Variants in HRH1 observed in about 807,000 individuals in gnomAD.
HRH1 encodes the protein histamine receptor H1.
Under a neutral mutation model 10.3 loss-of-function variants are expected in HRH1, and 6 were observed. That is an observed-to-expected ratio of 0.58 (90% CI 0.32 to 1.15). The LOEUF is 1.15. HRH1 is among the 50% of genes most tolerant of loss of function. HRH1 has a pLI of 0.05. For missense variants in HRH1, 514 were observed against 615.3 expected, an observed-to-expected ratio of 0.84 and a Z score of 1.74; for synonymous variants, 242 against 236.7, an observed-to-expected ratio of 1.02 and a Z score of -0.21.
At position 11,259,921 on chromosome 3, in the gene HRH1, G is replaced by A. The variant is rs750280699; in HGVS notation, c.884G>A (p.Arg295Lys). Residue 295 changes from arginine (R) to lysine (K), a missense_variant, in exon 2 of 2, where the codon AGA becomes AAA. Arg to Lys is a conservative substitution (Grantham distance 26). Coordinates refer to ENST00000431010, the MANE Select transcript of HRH1 (RefSeq NM_001098212.2). The surrounding 1 kb of genome is among the most constrained non-coding windows in gnomAD (Gnocchi z 4.6). The part of the protein sequence containing the change: ...SPVVFSQEDD[R>K]EVDKLYCFPL... ...GTTGTCTTCAGCCAAGAGGATGATA[G>A]AGAAGTAGACAAACTCTACTGCTTT... is the stretch of plus-strand genomic sequence containing the variant. 23 of 1,614,200 alleles carry A rather than the reference G, an allele frequency of 1.4e-5. 1 individual carries two copies. In the South Asian group the frequency reaches 2.5e-4, roughly 18 times the overall value.
chr3:11,165,223 T>G (rs1937007880), intron 1 of HRH1, among the ~76,000 whole-genome samples: 1 of 152,232 alleles, frequency 6.6e-6, no homozygotes, highest in Non-Finnish European at 1.5e-5. Context: ...GGTATGATGC[T>G]TGCTGCCTGA....
rs1939603788 is a variant in HRH1, at chr3:11,250,077, C to T, written c.-35-8926C>T. 2.6e-5 allele frequency among the ~76,000 whole-genome samples: 3 copies of T among 114,978 alleles called. No homozygotes were observed. In the South Asian group the frequency reaches 8.8e-4, roughly 34 times the overall value. The allele number at this position is 114,978 out of a possible 152,430, so 75.4% of individuals were successfully genotyped here. A position where few individuals can be genotyped will look rare whatever the true frequency, so the allele number is the denominator to read the frequency against. On this transcript the variant is annotated intron_variant, in intron 1 of 1. Coordinates refer to ENST00000431010, the MANE Select transcript of HRH1 (RefSeq NM_001098212.2). ...TTTTTTTTTGAGACGGAGTCTCGCTCTGCCGCCCAGGCTGGAGTGCAGTGG... is the reference window on the plus strand; with the variant it reads ...TTTTTTTTTGAGACGGAGTCTCGCTTTGCCGCCCAGGCTGGAGTGCAGTGG...
At position 11,157,679 on chromosome 3, in the gene HRH1, T is replaced by C. The variant is rs553698495; in HGVS notation, c.-36+3125T>C. ...CACTGCTGTAATTCTCCAGTGATAA[T>C]GCAGGGGGATCACATGGGCCAGGAT... On this transcript the variant is annotated intron_variant, in intron 1 of 1. Coordinates refer to ENST00000431010, the MANE Select transcript of HRH1 (RefSeq NM_001098212.2). 2.6e-5 allele frequency among the ~76,000 whole-genome samples: 4 copies of C among 152,308 alleles called. No homozygotes were observed. The East Asian group carries it at 7.7e-4, about 29-fold the overall frequency.
intron 1 of HRH1, among the ~76,000 whole-genome samples, chr3:11,161,494 G>A (rs1018669983): frequency 5.9e-5 from 9 of 152,172 alleles, no homozygotes; most frequent in African/African-American, 2.2e-4. Flanking sequence ...GTCTGTGGAC[G>A]TGATTGTTGA....
chr3:11,139,426 C>T lies in HRH1; in HGVS notation c.-36+2027C>T, dbSNP rs187665562. On this transcript the variant is annotated intron_variant, in intron 1 of 1. Coordinates refer to the HRH1 transcript ENST00000438284. ...TCCCGAGTAGCTGGGATTACAGGCG[C>T]CTGCCACCACGCCCAGCTAATTTTT... is the stretch of plus-strand genomic sequence containing the variant. Among the ~76,000 whole-genome samples, 115 of 152,116 alleles carry T rather than the reference C, an allele frequency of 7.6e-4. 1 individual carries two copies. In the East Asian group the frequency reaches 0.021, roughly 28 times the overall value.
intron 1 of HRH1, among the ~76,000 whole-genome samples, chr3:11,224,648 C>G (rs949645410): frequency 4.0e-5 from 6 of 150,178 alleles, no homozygotes; most frequent in Non-Finnish European, 4.4e-5. Context: ...TGCAGCGAGC[C>G]GAGTATGCGC....
Position 11,242,914 on chromosome 3 carries a change from C to CT in HRH1, c.-35-16079dup, listed in dbSNP as rs113202543. On this transcript the variant is annotated intron_variant, in intron 1 of 1. Transcript: ENST00000431010. Reference sequence around the variant, plus strand: ...CTGTTCTGTATTGGTTTGGGTCTCTCTTTTTTTTTTCCTTTTTTTAGATGG... The same window carrying CT: ...CTGTTCTGTATTGGTTTGGGTCTCTCTTTTTTTTTTTCCTTTTTTTAGATGG... 2.9e-3 allele frequency among the ~76,000 whole-genome samples: 429 copies of CT among 149,128 alleles called. 3 individuals are homozygous for CT. Among genetic ancestry groups the CT allele is most frequent in the African/African-American group, 9.6e-3 (389 of 40,698 alleles).
upstream of HRH1, among the ~76,000 whole-genome samples, chr3:11,152,725 G>A (rs1232582076): frequency 6.6e-6 from 1 of 151,602 alleles, no homozygotes; most frequent in East Asian, 1.9e-4. Flanking sequence ...GCTATCCTGA[G>A]TGCTAACTCG....
chr3:11,184,196 T>G (rs904992256), intron 1 of HRH1, among the ~76,000 whole-genome samples: 2 of 152,210 alleles, frequency 1.3e-5, no homozygotes, highest in African/African-American at 4.8e-5. Context: ...AGCAAATCAT[T>G]ACGTAAAACT....
intron 1 of HRH1, chr3:11,252,796 G>C (rs376442407): frequency 6.6e-6 from 1 of 152,158 alleles, no homozygotes; most frequent in Non-Finnish European, 1.5e-5. Context: ...GCTTCTAAAG[G>C]AATAGGGTAT....
upstream of HRH1, among the ~76,000 whole-genome samples, chr3:11,152,218 C>T (rs540676455): frequency 6.6e-6 from 1 of 152,302 alleles, no homozygotes; most frequent in South Asian, 2.1e-4. Flanking sequence ...TTATGTAAAG[C>T]TCTTAAATCA....
chr3:11,181,417 C>T (rs888955762), intron 1 of HRH1, among the ~76,000 whole-genome samples: 1 of 152,118 alleles, frequency 6.6e-6, no homozygotes, highest in Non-Finnish European at 1.5e-5. Flanking sequence ...TTTACAATCC[C>T]ACCAGCAAGG....
chr3:11,160,291 A>G (rs1247681189), intron 1 of HRH1, among the ~76,000 whole-genome samples: 1 of 152,052 alleles, frequency 6.6e-6, no homozygotes, highest in East Asian at 1.9e-4. Context: ...GGTTTGAGCA[A>G]TTTTCTCGGC....
At chr3:11,205,246 C>T (rs113312440) in intron 1 of HRH1, among the ~76,000 whole-genome samples, 2 of 152,116 alleles carry the variant, frequency 1.3e-5, no homozygotes, top group African/African-American at 4.8e-5. Context: ...CTAAATAGAA[C>T]GCATTGTACG....
At position 11,259,064 on chromosome 3, in the gene HRH1, C is replaced by A; in HGVS notation, c.27C>A (p.Leu9=). The A allele has an allele frequency of 2.5e-6, 4 of 1,608,220 alleles. No individual in the cohort carries two copies. The highest frequency in any genetic ancestry group is 3.4e-6 in the Non-Finnish European group (4 of 1,176,894). Residue 9 remains leucine (L), a synonymous_variant, in exon 2 of 2, where the codon CTC becomes CTA. Coordinates refer to ENST00000431010, the MANE Select transcript of HRH1 (RefSeq NM_001098212.2). The surrounding 1 kb of genome is among the most constrained non-coding windows in gnomAD (Gnocchi z 4.6). Reference sequence around the variant, plus strand: ...TGAGCCTCCCCAATTCCTCCTGCCTCTTAGAAGACAAGATGTGTGAGGGCA... The same window carrying A: ...TGAGCCTCCCCAATTCCTCCTGCCTATTAGAAGACAAGATGTGTGAGGGCA... MSLPNSSC[L]LEDKMCEGNK...
chr3:11,151,866 A>C (rs1165238989), upstream of HRH1, among the ~76,000 whole-genome samples: 2 of 152,194 alleles, frequency 1.3e-5, no homozygotes, highest in Non-Finnish European at 2.9e-5. Flanking sequence ...ACAGATGAGG[A>C]AACTGAGGCT....
chr3:11,141,414 G>T (rs951501502), intron 1 of HRH1, among the ~76,000 whole-genome samples: 2 of 152,204 alleles, frequency 1.3e-5, no homozygotes, highest in Non-Finnish European at 2.9e-5. Flanking sequence ...TTTATAATTT[G>T]GGGGGTCAGG....
chr3:11,174,468 T>C (rs1306052764), intron 1 of HRH1, among the ~76,000 whole-genome samples: 1 of 152,202 alleles, frequency 6.6e-6, no homozygotes, highest in Non-Finnish European at 1.5e-5. Context: ...CTGGGGTCTC[T>C]GAATGCAGGG....
At chr3:11,168,466 G>A (rs940465250) in intron 1 of HRH1, among the ~76,000 whole-genome samples, 1 of 152,250 alleles carries the variant, frequency 6.6e-6, no homozygotes, top group African/African-American at 2.4e-5. Context: ...AGGGTACAAT[G>A]TGGAGGCAGT....
Sources: gnomAD v4.1 joint callset for allele counts (sites outside exome capture counted in the v4.1 genomes callset) on GRCh38, gnomAD v4.1.1 for gene constraint, Gnocchi (gnomAD v3.1) non-coding constraint, MANE v1.5 for transcripts, NCBI Gene and HGNC (gene_info 2026-07-23, HGNC 2026-07-21) for gene names.